LSAMP: variants seen among roughly 807,000 people sequenced by gnomAD.
LSAMP encodes limbic system-associated membrane protein.
Under a neutral mutation model 38.6 loss-of-function variants are expected in LSAMP, and 7 were observed. The observed-to-expected ratio is 0.18, with a 90% CI of 0.10 to 0.34. The LOEUF (loss-of-function observed/expected upper bound fraction) is 0.34. LSAMP is among the 10% of genes least tolerant of loss of function. LSAMP has a pLI of 1.00. For synonymous variants in LSAMP, 154 were observed against 166.8 expected (o/e 0.92, Z 0.59); for missense variants, 313 against 420.0 (o/e 0.75, Z 2.23).
intron 1 of LSAMP, among the ~76,000 whole-genome samples, chr3:116,287,524 C>G (rs191198553): frequency 6.6e-6 from 1 of 152,042 alleles, no homozygotes; most frequent in Non-Finnish European, 1.5e-5. Context: ...GGCTCTATCA[C>G]TTACTACAGC....
rs1933662115 is a variant in LSAMP, at chr3:115,807,745, A to C, written c.*2572T>G. On this transcript the variant is annotated 3_prime_UTR_variant, in exon 7 of 7. Transcript: ENST00000490035. ...ATTTTTGGGGAATGCTTATTATTAA[A>C]GATGATACCCTTTATTCTTGAACTA... The C allele has an allele frequency of 6.6e-6, 1 of 152,198 alleles. No homozygotes were observed. 9.4% of individuals were successfully genotyped at this position (152,198 alleles called of 1,614,324 possible).
intron 1 of LSAMP, among the ~76,000 whole-genome samples, chr3:116,092,564 C>G (rs1365208665): frequency 6.6e-6 from 1 of 152,118 alleles, no homozygotes; most frequent in East Asian, 1.9e-4. Flanking sequence ...AAATTTTTAT[C>G]TTCCCTGTTT....
chr3:116,409,445 G>A (rs1192425454), intron 1 of LSAMP, among the ~76,000 whole-genome samples: 1 of 151,936 alleles, frequency 6.6e-6, no homozygotes, highest in Non-Finnish European at 1.5e-5. Context: ...TGAAAATAAA[G>A]GTAACCTGCT....
chr3:116,414,020 G>T (rs1374797570), intron 1 of LSAMP, among the ~76,000 whole-genome samples: 1 of 152,056 alleles, frequency 6.6e-6, no homozygotes, highest in East Asian at 1.9e-4. Context: ...GGAAAAGGAA[G>T]GAGGCAGGAA....
At chr3:116,093,538 G>C (rs1024310829) in intron 1 of LSAMP, among the ~76,000 whole-genome samples, 4 of 152,188 alleles carry the variant, frequency 2.6e-5, no homozygotes, top group African/African-American at 9.7e-5. Context: ...GGCTCTGGTT[G>C]TAAGTCGATA....
chr3:116,264,495 G>A lies in LSAMP; in HGVS notation c.156-177939C>T, dbSNP rs972930694. Among the ~76,000 whole-genome samples the A allele has an allele frequency of 6.6e-5, 10 of 152,248 alleles. No individual in the cohort carries two copies. The South Asian group carries it at 1.7e-3, about 25-fold the overall frequency. On this transcript the variant is annotated intron_variant, in intron 1 of 6. Coordinates refer to ENST00000490035, the MANE Select transcript of LSAMP (RefSeq NM_002338.5). Reference sequence around the variant, plus strand: ...CAGACTCTCTGAGAGGCTCATGGGCGCTTAAGGGGCATTGTGTAGTGTTTC... The same window carrying A: ...CAGACTCTCTGAGAGGCTCATGGGCACTTAAGGGGCATTGTGTAGTGTTTC...
intron 3 of LSAMP, among the ~76,000 whole-genome samples, chr3:115,970,247 TC>T (rs1350009868): frequency 6.6e-6 from 1 of 152,220 alleles, no homozygotes; most frequent in Non-Finnish European, 1.5e-5. Flanking sequence ...AGGTGTTTCA[TC>T]TTTTGAAATG....
intron 3 of LSAMP, among the ~76,000 whole-genome samples, chr3:115,975,733 C>G (rs1343476225): frequency 6.6e-6 from 1 of 152,078 alleles, no homozygotes; most frequent in African/African-American, 2.4e-5. Context: ...CATTACTGAC[C>G]TCTTGAAAAT....
At chr3:115,881,884 G>C (rs1054855923) in intron 3 of LSAMP, among the ~76,000 whole-genome samples, 3 of 152,114 alleles carry the variant, frequency 2.0e-5, no homozygotes, top group East Asian at 1.9e-4. Context: ...TCTCTCAGCT[G>C]TTCTTAGAAC....
At chr3:115,962,274 A>G (rs1235749375) in intron 3 of LSAMP, among the ~76,000 whole-genome samples, 1 of 152,188 alleles carries the variant, frequency 6.6e-6, no homozygotes, top group African/African-American at 2.4e-5. Flanking sequence ...TCATGTGCTT[A>G]GGCTCTGTTT....
intron 1 of LSAMP, among the ~76,000 whole-genome samples, chr3:116,383,677 G>A (rs891872008): frequency 1.3e-5 from 2 of 151,474 alleles, no homozygotes; most frequent in African/African-American, 4.9e-5. Flanking sequence ...GTAAGTACAT[G>A]TTTAAAAGTT....
At chr3:116,060,275 T>A (rs1409442716) in intron 2 of LSAMP, among the ~76,000 whole-genome samples, 2 of 151,796 alleles carry the variant, frequency 1.3e-5, no homozygotes, top group African/African-American at 2.4e-5. Flanking sequence ...TTCTCGCAAG[T>A]CAAAGTAGAA....
chr3:116,180,812 T>C (rs1008755165), intron 1 of LSAMP, among the ~76,000 whole-genome samples: 5 of 152,128 alleles, frequency 3.3e-5, no homozygotes, highest in East Asian at 1.9e-4. Flanking sequence ...GAGATAATAA[T>C]AACCTCAATG....
intron 1 of LSAMP, among the ~76,000 whole-genome samples, chr3:116,328,272 T>C (rs1340368525): frequency 1.3e-5 from 2 of 152,210 alleles, no homozygotes; most frequent in Non-Finnish European, 2.9e-5. Context: ...TATGCTGTTC[T>C]TCTCTAAACC....
At chr3:115,890,980 G>A (rs1370139532) in intron 3 of LSAMP, among the ~76,000 whole-genome samples, 1 of 151,958 alleles carries the variant, frequency 6.6e-6, no homozygotes, top group Non-Finnish European at 1.5e-5. Flanking sequence ...GAAAAAGTTT[G>A]TGGGAGGCTT....
chr3:115,907,024 TC>T (rs1376233713), intron 3 of LSAMP, among the ~76,000 whole-genome samples: 1 of 152,086 alleles, frequency 6.6e-6, no homozygotes, highest in African/African-American at 2.4e-5. Flanking sequence ...TAAAACAAAC[TC>T]CCTTTCTTTT....
At chr3:116,231,821 C>A (rs760646190) in intron 1 of LSAMP, among the ~76,000 whole-genome samples, 3 of 152,152 alleles carry the variant, frequency 2.0e-5, no homozygotes, top group Non-Finnish European at 2.9e-5. Context: ...GAACTTAGAA[C>A]CTTTATATAT....
chr3:116,020,464 G>A (rs555725640), intron 2 of LSAMP, among the ~76,000 whole-genome samples: 1 of 152,310 alleles, frequency 6.6e-6, no homozygotes, highest in Non-Finnish European at 1.5e-5. Context: ...GAGGCATAGA[G>A]GGGGCTAGGT....
chr3:115,817,688 C>T (rs1645479090), intron 6 of LSAMP, among the ~76,000 whole-genome samples: 1 of 152,108 alleles, frequency 6.6e-6, no homozygotes, highest in African/African-American at 2.4e-5. Flanking sequence ...GTCCTTGAAG[C>T]CCATCACTTG....
Sources: gnomAD v4.1 joint callset for allele counts (sites outside exome capture counted in the v4.1 genomes callset) on GRCh38, gnomAD v4.1.1 for gene constraint, MANE v1.5 for transcripts, NCBI Gene and HGNC (gene_info 2026-07-23, HGNC 2026-07-21) for gene names.